Variants in PPFIA4 observed in about 807,000 individuals in gnomAD.
PPFIA4 encodes the protein liprin-alpha-4.
PPFIA4 carries 98 observed loss-of-function variants against 145.7 expected under a neutral mutation model. That is an observed-to-expected ratio of 0.67 (90% CI 0.57 to 0.80). PPFIA4 has a LOEUF of 0.80. Among genes scored for constraint, PPFIA4 ranks in the 30% least tolerant of loss-of-function variants. The probability of loss-of-function intolerance (pLI) is 0.00; values close to 1 mark genes in which losing one functional copy is unlikely to be tolerated. For missense variants in PPFIA4, 1,457 were observed against 1,632.7 expected (o/e 0.89, Z 1.85); for synonymous variants, 628 against 649.6 (o/e 0.97, Z 0.51).
In PPFIA4 at chr1:203,056,911, A is replaced by T. The variant is rs1328617554; in HGVS notation, c.2368A>T (p.Arg790Trp). Residue 790 changes from arginine to tryptophan, a missense_variant, in exon 19 of 30, where the codon AGG becomes TGG. By Grantham distance (101) the Arg-to-Trp change is moderately radical. This residue lies in a region of PPFIA4 where 848 missense variants were observed against 1,046.7 expected (regional missense o/e 0.81). Transcript: ENST00000295706. ...CCTGTTTGGGAAGAAGGAGAAGGGC[A>T]GGCTGATCCAGCTGAGTCGGGATGG... ...GRLFGKKEKG[R>W]LIQLSRDGAT... 1.9e-6 allele frequency: 3 copies of T among 1,613,956 alleles called. No homozygotes were observed. The highest frequency in any genetic ancestry group is 2.5e-6 in the Non-Finnish European group (3 of 1,179,908).
chr1:203,049,078 G>A, intron 12 of PPFIA4, 98 bp downstream of exon 12: 1 of 1,163,090 alleles, frequency 8.6e-7, no homozygotes. Context: ...ATACCTGGCA[G>A]TGTTAGTGCA....
Position 203,048,767 on chromosome 1 carries a change from G to T in PPFIA4, c.1356+53G>T. The T allele has an allele frequency of 6.3e-7, 1 of 1,574,906 alleles. No individual in the cohort carries two copies. On this transcript the variant is annotated intron_variant, in intron 11 of 29. Coordinates refer to ENST00000295706, the MANE Select transcript of PPFIA4 (RefSeq NM_001304331.2). The surrounding 1 kb of genome is among the most constrained non-coding windows in gnomAD (Gnocchi z 5.8). ...GAGAGGTTAGTGCTGGGTGTGGGGC[G>T]GGGGGAGGCGGGACTGTGATGGGCG...
At position 203,046,313 on chromosome 1, in the gene PPFIA4, G is replaced by A. The variant is rs759634542; in HGVS notation, c.1071G>A (p.Thr357=). The A allele has an allele frequency of 3.4e-5, 55 of 1,594,942 alleles. No individual in the cohort carries two copies. Among genetic ancestry groups the A allele is most frequent in the Admixed American group, 1.1e-4 (6 of 56,970 alleles). ...LEVAEQKLQQ[T]MRKAETLPEV... is the part of the protein sequence containing the mutation. ...TGGCAGAGCAGAAGCTGCAGCAGAC[G>A]ATGCGCAAGGCAGAGACGCTGCCAG... The change falls in exon 9 of 30, where the codon ACG becomes ACA. Residue 357 remains threonine (T), a synonymous_variant. Transcript: ENST00000295706.
Position 203,059,868 on chromosome 1 carries a change from G to A in PPFIA4, c.2583+17G>A. Reference sequence around the variant, plus strand: ...TGGTTGGAGGTAAGCCTGAGCAAAGGGAGTCCACTCAGGGGTCTGGAGGGA... The same window carrying A: ...TGGTTGGAGGTAAGCCTGAGCAAAGAGAGTCCACTCAGGGGTCTGGAGGGA... On this transcript the variant is annotated intron_variant, in intron 21 of 29. Transcript: ENST00000295706. 1 of 1,597,168 alleles carries A rather than the reference G, an allele frequency of 6.3e-7. No individual in the cohort carries two copies. Among genetic ancestry groups the A allele is most frequent in the Non-Finnish European group, 8.6e-7 (1 of 1,168,704 alleles).
chr1:203,055,283 T>G lies in PPFIA4; in HGVS notation c.1830-149T>G. ...AGTAGGCAAGCTAACAAGAAAGAGATGTGTTTCTAAGCTCCAGTGGGACAG... is the reference window on the plus strand; with the variant it reads ...AGTAGGCAAGCTAACAAGAAAGAGAGGTGTTTCTAAGCTCCAGTGGGACAG... On this transcript the variant is annotated intron_variant, in intron 15 of 29. Transcript: ENST00000295706. This position sits in a 1 kb window ranked among gnomAD's most constrained non-coding sequence, Gnocchi z 4.8. 2 of 1,011,882 alleles carry G rather than the reference T, an allele frequency of 2.0e-6. No homozygotes were observed. Among genetic ancestry groups the G allele is most frequent in the Non-Finnish European group, 2.9e-6 (2 of 678,100 alleles). The allele number at this position is 1,011,882 out of a possible 1,614,324, so 62.7% of individuals were successfully genotyped here.
chr1:203,045,443 C>A lies in PPFIA4; in HGVS notation c.742C>A (p.Arg248=), dbSNP rs770185725. ...QNFELSQARE[R]LVTLTTTVTE... ...CTTTGAGTTGAGCCAGGCCCGGGAGCGACTGGTCACCCTAACAACAACCGT... is the reference window on the plus strand; with the variant it reads ...CTTTGAGTTGAGCCAGGCCCGGGAGAGACTGGTCACCCTAACAACAACCGT... The change falls in exon 7 of 30, where the codon CGA becomes AGA. Residue 248 remains arginine (R), a synonymous_variant. Transcript: ENST00000295706. 5.6e-6 allele frequency: 9 copies of A among 1,609,536 alleles called. No individual in the cohort carries two copies. The highest frequency in any genetic ancestry group is 7.6e-6 in the Non-Finnish European group (9 of 1,178,616).
intron 13 of PPFIA4, chr1:203,051,480 C>A: frequency 1.6e-6 from 1 of 643,128 alleles, no homozygotes; most frequent in Non-Finnish European, 2.2e-6. Context: ...TAAAAGCCAC[C>A]AGTTGCATCG....
At chr1:203,041,806 G>A (rs144954129) in intron 2 of PPFIA4, among the ~76,000 whole-genome samples, 179 of 152,308 alleles carry the variant, frequency 1.2e-3, no homozygotes, top group African/African-American at 4.0e-3. Flanking sequence ...CTGGTTACAA[G>A]CATGTGTACA....
chr1:203,049,037 A>G (rs1384166928), intron 12 of PPFIA4, 57 bp downstream of exon 12: 4 of 1,501,218 alleles, frequency 2.7e-6, no homozygotes, highest in Non-Finnish European at 3.6e-6. Context: ...CAGGGAGGAA[A>G]GGACACCCTG....
In PPFIA4 at chr1:203,039,086, C is replaced by T. The variant is rs375205149; in HGVS notation, c.78C>T (p.Phe26=). 51 of 1,606,470 alleles carry T rather than the reference C, an allele frequency of 3.2e-5. No individual in the cohort carries two copies. The highest frequency in any genetic ancestry group is 1.6e-4 in the Middle Eastern group (1 of 6,078). Reference sequence around the variant, plus strand: ...ATGGCGCCGATGCTGACGCCAACTTCGAGCAGCTGATGGTGAACATGCTGG... The same window carrying T: ...ATGGCGCCGATGCTGACGCCAACTTTGAGCAGCTGATGGTGAACATGCTGG... The part of the protein sequence containing the change: ...PPHGADADAN[F]EQLMVNMLDE... Residue 26 remains phenylalanine (F), a synonymous_variant, in exon 2 of 30, where the codon TTC becomes TTT. Transcript: ENST00000295706.
intron 12 of PPFIA4, among the ~76,000 whole-genome samples, chr1:203,049,349 G>A (rs970392469): frequency 6.6e-6 from 1 of 152,200 alleles, no homozygotes; most frequent in Non-Finnish European, 1.5e-5. Context: ...CTGAGGGGGT[G>A]CTGGGGCCCT....
intron 24 of PPFIA4, among the ~76,000 whole-genome samples, chr1:203,062,479 CAAAAAAAAAAAAAAAA>C (rs34987795): frequency 8.5e-5 from 3 of 35,362 alleles, no homozygotes; most frequent in African/African-American, 2.8e-4. Context: ...GACTCCGTCT[CAAAAAAAAAAAAAAAA>C]AAAAAAAAAA....
chr1:203,035,645 G>T lies in PPFIA4; in HGVS notation c.-399-2965G>T, dbSNP rs1022486859. 6.4e-5 allele frequency: 29 copies of T among 456,650 alleles called. No homozygotes were observed. The Admixed American group carries it at 6.8e-4, about 11-fold the overall frequency. The allele number at this position is 456,650 out of a possible 1,614,324, so 28.3% of individuals were successfully genotyped here. On this transcript the variant is annotated intron_variant, in intron 1 of 29. Transcript: ENST00000295706. ...TTCGCCTCTGAATCAGGACCTGTGA[G>T]TGTTACTTAGAAATTGTGCGGGAGT...
chr1:203,054,949 T>C (rs1425223119), intron 15 of PPFIA4, among the ~76,000 whole-genome samples: 2 of 152,200 alleles, frequency 1.3e-5, no homozygotes, highest in African/African-American at 4.8e-5. Context: ...TGCGTGTGCA[T>C]GCACTCCTTG....
chr1:203,051,763 C>T lies in PPFIA4; in HGVS notation c.1512-6C>T. On this transcript the variant is annotated splice_region_variant and splice_polypyrimidine_tract_variant and intron_variant, in intron 13 of 29. Transcript: ENST00000295706. ...CTGTCTTTTCTCTCCCCCATCACCG[C>T]TCAAGGTCGCACATGGGCAGTGCAG... 6.2e-7 allele frequency: 1 copy of T among 1,609,338 alleles called. No homozygotes were observed. The highest frequency in any genetic ancestry group is 8.5e-7 in the Non-Finnish European group (1 of 1,178,024).
chr1:203,069,765 C>CA (rs1441844010), intron 27 of PPFIA4, among the ~76,000 whole-genome samples: 1 of 130,518 alleles, frequency 7.7e-6, no homozygotes, highest in Non-Finnish European at 1.6e-5. Flanking sequence ...ACCCCCCCGC[C>CA]CCGCCCCCAC....
chr1:203,044,032 T>C lies in PPFIA4; in HGVS notation c.438T>C (p.Ser146=). 1 of 1,612,290 alleles carries C rather than the reference T, an allele frequency of 6.2e-7. No homozygotes were observed. The highest frequency in any genetic ancestry group is 8.5e-7 in the Non-Finnish European group (1 of 1,179,630). ...CCCAGTCACCTTCGGGGGTCTCCAG[T>C]GAGGTGGAGGTGCTGAAGGCCCTCA... ...RQAQSPSGVS[S]EVEVLKALKS... Residue 146 remains serine, a synonymous_variant, in exon 4 of 30, where the codon AGT becomes AGC. Coordinates refer to ENST00000295706, the MANE Select transcript of PPFIA4 (RefSeq NM_001304331.2).
In PPFIA4 at chr1:203,044,114, G is replaced by T; in HGVS notation, c.501+19G>T. 2 of 1,557,580 alleles carry T rather than the reference G, an allele frequency of 1.3e-6. No individual in the cohort carries two copies. On this transcript the variant is annotated intron_variant, in intron 4 of 29. Transcript: ENST00000295706. ...TGAGAAGGTGCCCACCTGCCCGCCAGCCCCCACATCCAGCCAGGCTGCCCT... is the reference window on the plus strand; with the variant it reads ...TGAGAAGGTGCCCACCTGCCCGCCATCCCCCACATCCAGCCAGGCTGCCCT...
chr1:203,075,690 C>A lies in PPFIA4; in HGVS notation c.3507C>A (p.Gly1169=). 3.4e-6 allele frequency: 5 copies of A among 1,489,296 alleles called. No homozygotes were observed. The highest frequency in any genetic ancestry group is 4.5e-6 in the Non-Finnish European group (5 of 1,117,328). The allele number at this position is 1,489,296 out of a possible 1,614,324, so 92.3% of individuals were successfully genotyped here. The change falls in exon 29 of 30, where the codon GGC becomes GGA. Residue 1169 remains glycine, a synonymous_variant. Coordinates refer to ENST00000295706, the MANE Select transcript of PPFIA4 (RefSeq NM_001304331.2). This position sits in a 1 kb window ranked among gnomAD's most constrained non-coding sequence, Gnocchi z 4.1. ...LSASAETLPA[G]FRVSTLGTLQ... is the part of the protein sequence containing the mutation. The stretch of plus-strand genomic sequence containing the variant: ...CTTCCGCGGAGACCCTCCCGGCGGG[C>A]TTCCGTGTGTCCACCCTGGGGACCC...
Sources: allele counts gnomAD v4.1 joint callset (sites outside exome capture counted in the v4.1 genomes callset), GRCh38; gene constraint gnomAD v4.1.1; regional missense constraint gnomAD v4.1.1; non-coding constraint Gnocchi (gnomAD v3.1); transcripts MANE v1.5; gene names NCBI Gene and HGNC (gene_info 2026-07-23, HGNC 2026-07-21).